PAK2: variants seen among roughly 807,000 people sequenced by gnomAD.
PAK2 encodes the protein serine/threonine-protein kinase PAK 2.
Under a neutral mutation model 65.9 loss-of-function variants are expected in PAK2, and 21 were observed. The observed-to-expected ratio is 0.32, with a 90% CI of 0.23 to 0.46. PAK2 has a LOEUF of 0.46. Ranked by LOEUF, PAK2 falls within the 20% of genes least tolerant of loss-of-function variation. The pLI is 1.00. For missense variants in PAK2, 324 were observed against 642.6 expected, an observed-to-expected ratio of 0.50 and a Z score of 5.36; for synonymous variants, 204 against 219.7, an observed-to-expected ratio of 0.93 and a Z score of 0.63.
intron 1 of PAK2, among the ~76,000 whole-genome samples, chr3:196,748,886 A>G (rs565176801): frequency 7.9e-5 from 12 of 152,290 alleles, no homozygotes; most frequent in Non-Finnish European, 1.5e-4. Context: ...ACCACCATCC[A>G]TCTCCGAAAC....
chr3:196,739,970 C>A lies in PAK2; in HGVS notation c.-209C>A, dbSNP rs1220629173. ...TCCCTCCCCTCCCCTCCCTGGCGTGCGCAGGACTCCGCCGCCGCTGGGCCT... is the reference window on the plus strand; with the variant it reads ...TCCCTCCCCTCCCCTCCCTGGCGTGAGCAGGACTCCGCCGCCGCTGGGCCT... On this transcript the variant is annotated 5_prime_UTR_variant, in exon 1 of 15. Coordinates refer to ENST00000327134, the MANE Select transcript of PAK2 (RefSeq NM_002577.4). The A allele has an allele frequency of 6.6e-6, 1 of 151,822 alleles. No individual in the cohort carries two copies. The highest frequency in any genetic ancestry group is 2.4e-5 in the African/African-American group (1 of 41,354). The allele number at this position is 151,822 out of a possible 1,614,324, so 9.4% of individuals were successfully genotyped here.
intron 7 of PAK2, among the ~76,000 whole-genome samples, chr3:196,809,159 GA>G (rs1262802604): frequency 6.7e-6 from 1 of 149,278 alleles, no homozygotes; most frequent in African/African-American, 2.5e-5. Context: ...GAGGCAGGAG[GA>G]TTGCTTGAGC....
At chr3:196,807,014 T>C (rs35414436) in intron 6 of PAK2, among the ~76,000 whole-genome samples, 20,012 of 152,230 alleles carry the variant, frequency 0.13, 1,631 homozygotes, top group East Asian at 0.32. Flanking sequence ...ATCTAAAACT[T>C]AGAGCTTTCC....
At chr3:196,783,572 A>C (rs960955816) in intron 2 of PAK2, among the ~76,000 whole-genome samples, 2 of 127,736 alleles carry the variant, frequency 1.6e-5, no homozygotes, top group Non-Finnish European at 1.7e-5. Flanking sequence ...ACAGGGTGAG[A>C]CTCTCTCAAA....
intron 13 of PAK2, among the ~76,000 whole-genome samples, chr3:196,824,821 A>C (rs1385448714): frequency 1.3e-5 from 2 of 152,062 alleles, no homozygotes; most frequent in East Asian, 3.9e-4. Flanking sequence ...TTAAAAAAAA[A>C]AACAAGACCA....
At chr3:196,760,799 A>G (rs1713934102) in intron 1 of PAK2, among the ~76,000 whole-genome samples, 1 of 152,194 alleles carries the variant, frequency 6.6e-6, no homozygotes, top group South Asian at 2.1e-4. Context: ...GGTGTATAGG[A>G]TATTTATGAG....
chr3:196,810,512 A>T (rs1715740355), intron 7 of PAK2, 78 bp from the exon 8 acceptor site: 1 of 792,716 alleles, frequency 1.3e-6, no homozygotes, highest in Non-Finnish European at 2.2e-6. Flanking sequence ...AGTGGAGTTC[A>T]TTAAAAGGAA....
chr3:196,749,034 C>T (rs1443551194), intron 1 of PAK2, among the ~76,000 whole-genome samples: 4 of 152,032 alleles, frequency 2.6e-5, no homozygotes, highest in African/African-American at 7.2e-5. Context: ...ACTTATTTCA[C>T]TTATCCTCAA....
chr3:196,762,332 A>C (rs1714005906), intron 1 of PAK2, among the ~76,000 whole-genome samples: 1 of 136,658 alleles, frequency 7.3e-6, no homozygotes, highest in Admixed American at 7.3e-5. Flanking sequence ...GCACTTTGGG[A>C]GGCCAAGGCA....
At chr3:196,818,636 G>A (rs1711555884) in intron 12 of PAK2, among the ~76,000 whole-genome samples, 1 of 152,156 alleles carries the variant, frequency 6.6e-6, no homozygotes, top group South Asian at 2.1e-4. Flanking sequence ...AAAGTGCTGG[G>A]ATTACAGGCG....
intron 1 of PAK2, among the ~76,000 whole-genome samples, chr3:196,760,291 C>T (rs1713917081): frequency 6.6e-6 from 1 of 152,038 alleles, no homozygotes; most frequent in Non-Finnish European, 1.5e-5. Context: ...TGCACTGTCG[C>T]CCAGGCTGGA....
chr3:196,809,810 A>G (rs1296863764), intron 7 of PAK2, among the ~76,000 whole-genome samples: 1 of 152,036 alleles, frequency 6.6e-6, no homozygotes, highest in Non-Finnish European at 1.5e-5. Flanking sequence ...GTACCTACAT[A>G]AAACTATTTA....
intron 4 of PAK2, among the ~76,000 whole-genome samples, chr3:196,804,353 C>G (rs1222853282): frequency 6.6e-6 from 1 of 152,184 alleles, no homozygotes; most frequent in Admixed American, 6.5e-5. Context: ...ACCAGTAAGT[C>G]TGTGTGTAAA....
intron 2 of PAK2, among the ~76,000 whole-genome samples, chr3:196,796,297 C>T (rs1316148329): frequency 2.0e-5 from 3 of 151,986 alleles, no homozygotes; most frequent in Non-Finnish European, 4.4e-5. Flanking sequence ...TGGATGAATC[C>T]CAAAAACATT....
Position 196,820,757 on chromosome 3 carries a change from G to T in PAK2, c.1350+190G>T, listed in dbSNP as rs1711616516. On this transcript the variant is annotated intron_variant, in intron 13 of 14. Coordinates refer to ENST00000327134, the MANE Select transcript of PAK2 (RefSeq NM_002577.4). This position sits in a 1 kb window ranked among gnomAD's most constrained non-coding sequence, Gnocchi z 4.6. Reference sequence around the variant, plus strand: ...AATTAATGTGTTAGGTGAAGACTTTGTAGGTTTTTAGTAGTAAGCTGTATT... The same window carrying T: ...AATTAATGTGTTAGGTGAAGACTTTTTAGGTTTTTAGTAGTAAGCTGTATT... Among the ~76,000 whole-genome samples, 1 of 152,164 alleles carries T rather than the reference G, an allele frequency of 6.6e-6. No homozygotes were observed. Among genetic ancestry groups the T allele is most frequent in the Non-Finnish European group, 1.5e-5 (1 of 68,030 alleles).
intron 4 of PAK2, among the ~76,000 whole-genome samples, chr3:196,804,561 G>A (rs1577733753): frequency 6.6e-6 from 1 of 152,000 alleles, no homozygotes; most frequent in East Asian, 1.9e-4. Context: ...CCCGCCTCCC[G>A]GGTTCAAGCA....
At chr3:196,777,208 T>G (rs774244285) in intron 1 of PAK2, among the ~76,000 whole-genome samples, 28 of 152,310 alleles carry the variant, frequency 1.8e-4, no homozygotes, top group Middle Eastern at 3.4e-3. Context: ...TTTTTTGTTT[T>G]GTTTTGTATT....
chr3:196,758,504 C>T (rs1365481874), intron 1 of PAK2, among the ~76,000 whole-genome samples: 1 of 152,176 alleles, frequency 6.6e-6, no homozygotes, highest in Admixed American at 6.5e-5. Context: ...ATAGAAAAAA[C>T]TTAAAGCCTG....
intron 4 of PAK2, among the ~76,000 whole-genome samples, chr3:196,804,014 C>T (rs769924241): frequency 1.3e-5 from 2 of 152,174 alleles, no homozygotes; most frequent in Non-Finnish European, 2.9e-5. Context: ...TTCATGCTGT[C>T]TTTTCTTGAC....
Sources: allele counts gnomAD v4.1 joint callset (sites outside exome capture counted in the v4.1 genomes callset), GRCh38; gene constraint gnomAD v4.1.1; non-coding constraint Gnocchi (gnomAD v3.1); transcripts MANE v1.5; gene names NCBI Gene and HGNC (gene_info 2026-07-23, HGNC 2026-07-21).